The following EML5 variants were observed in gnomAD, a reference collection of about 807,000 sequenced individuals.
EML5 encodes the protein echinoderm microtubule-associated protein-like 5.
In EML5, 120 loss-of-function variants were observed where a neutral mutation model predicts 250.0. The ratio of observed to expected loss-of-function variants is 0.48; its 90% CI spans 0.41 to 0.56. The LOEUF (loss-of-function observed/expected upper bound fraction) is 0.56. Among genes scored for constraint, EML5 ranks in the 20% least tolerant of loss-of-function variants. The probability of loss-of-function intolerance (pLI) is 0.00; values close to 1 mark genes in which losing one functional copy is unlikely to be tolerated. For missense variants in EML5, 2,006 were observed against 2,437.6 expected (o/e 0.82, Z 3.73); for synonymous variants, 771 against 806.5 (o/e 0.96, Z 0.75).
intron 21 of EML5, among the ~76,000 whole-genome samples, chr14:88,681,511 T>G (rs1267593875): frequency 6.6e-6 from 1 of 152,240 alleles, no homozygotes; most frequent in Admixed American, 6.5e-5. Flanking sequence ...CTTCCTCAGC[T>G]GTCTACCCTT....
At position 88,778,552 on chromosome 14, in the gene EML5, G is replaced by A. The variant is rs553422818; in HGVS notation, c.197+13755C>T. ...TCCTAGAACTTTGGGAGGCCGAGGC[G>A]GGTGGATCACGAGGTCAGGAGATCC... is the stretch of plus-strand genomic sequence containing the variant. On this transcript the variant is annotated intron_variant, in intron 1 of 43. Coordinates refer to ENST00000554922, the MANE Select transcript of EML5 (RefSeq NM_183387.3). 8.5e-5 allele frequency among the ~76,000 whole-genome samples: 13 copies of A among 152,300 alleles called. No homozygotes were observed. The South Asian group carries it at 1.0e-3, about 12-fold the overall frequency.
chr14:88,757,288 A>T (rs533222720), intron 1 of EML5, among the ~76,000 whole-genome samples: 76 of 152,324 alleles, frequency 5.0e-4, no homozygotes, highest in African/African-American at 1.7e-3. Flanking sequence ...ACAAAAAAAT[A>T]AATTTGGACA....
At chr14:88,660,397 A>G (rs1007101224) in intron 25 of EML5, among the ~76,000 whole-genome samples, 18 of 152,142 alleles carry the variant, frequency 1.2e-4, no homozygotes, top group Admixed American at 1.2e-3. Flanking sequence ...GGGAAGTGAT[A>G]AAAGAATTAA....
At position 88,618,157 on chromosome 14, in the gene EML5, C is replaced by G; in HGVS notation, c.5642+71G>C. 3.1e-6 allele frequency: 4 copies of G among 1,308,356 alleles called. No individual in the cohort carries two copies. The South Asian group carries it at 3.7e-5, about 12-fold the overall frequency. 81.0% of individuals were successfully genotyped at this position (1,308,356 alleles called of 1,614,324 possible). A position where few individuals can be genotyped will look rare whatever the true frequency, so the allele number is the denominator to read the frequency against. ...CTATTCCTTATTGGAATGGCTCTAA[C>G]AGTTCAGAAATAGGATTTTCTAACT... On this transcript the variant is annotated intron_variant, in intron 41 of 43. Coordinates refer to ENST00000554922, the MANE Select transcript of EML5 (RefSeq NM_183387.3).
chr14:88,653,014 C>T (rs2091703481), intron 27 of EML5, among the ~76,000 whole-genome samples: 1 of 152,302 alleles, frequency 6.6e-6, no homozygotes, highest in East Asian at 1.9e-4. Context: ...AGGTCCTTCA[C>T]ATCCCTTGTA....
rs1292308311 is a variant in EML5 at position 88,620,949 on chromosome 14, AAAG to A, written c.5203-26_5203-24del. 13 of 1,485,926 alleles carry A rather than the reference AAAG, an allele frequency of 8.7e-6. No homozygotes were observed. Among genetic ancestry groups the A allele is most frequent in the East Asian group, 2.5e-5 (1 of 40,404 alleles). 92.0% of individuals were successfully genotyped at this position (1,485,926 alleles called of 1,614,324 possible). ...CTTCTGCATTTAAAAAAAAAAAAAA[AAAG>A]AGTCATAGGAAACATTAAGTGAAGT... On this transcript the variant is annotated intron_variant, in intron 38 of 43. Transcript: ENST00000554922. This position sits in a 1 kb window ranked among gnomAD's most constrained non-coding sequence, Gnocchi z 4.3.
chr14:88,740,480 T>C lies in EML5; in HGVS notation c.618A>G (p.Ala206=), dbSNP rs2093908898. The change falls in exon 5 of 44, where the codon GCA becomes GCG. Residue 206 remains alanine (A), a synonymous_variant. Coordinates refer to ENST00000554922, the MANE Select transcript of EML5 (RefSeq NM_183387.3). ...DLQTILCLAC[A]RDELTYSGAL... is the part of the protein sequence containing the mutation. ...CACCAGAATATGTTAATTCATCCCT[T>C]GCACAGGCTAGGCACAGTATTGTCT... 1 of 1,613,782 alleles carries C rather than the reference T, an allele frequency of 6.2e-7. No homozygotes were observed. The highest frequency in any genetic ancestry group is 1.7e-5 in the Admixed American group (1 of 60,002).
rs150740881 is a variant in EML5, at chr14:88,772,275, C to T, written c.198-17604G>A. 3.7e-3 allele frequency among the ~76,000 whole-genome samples: 564 copies of T among 152,330 alleles called. 1 individual carries two copies. Among genetic ancestry groups the T allele is most frequent in the Non-Finnish European group, 5.1e-3 (350 of 68,036 alleles). ...CATTCATCTTACATCACAACTACTT[C>T]GGTAGCCTTCTGTCTACCTACCATT... On this transcript the variant is annotated intron_variant, in intron 1 of 43. Transcript: ENST00000554922.
At chr14:88,737,710 A>C (rs991405805) in intron 6 of EML5, among the ~76,000 whole-genome samples, 49 of 152,184 alleles carry the variant, frequency 3.2e-4, no homozygotes, top group African/African-American at 1.1e-3. Flanking sequence ...TCTACATGAA[A>C]TATTTGTCTT....
chr14:88,717,902 A>G (rs2093526564), intron 8 of EML5, among the ~76,000 whole-genome samples: 1 of 152,264 alleles, frequency 6.6e-6, no homozygotes, highest in African/African-American at 2.4e-5. Context: ...ATGTAGTATT[A>G]TACTCCATAC....
chr14:88,761,869 T>C (rs1333877997), intron 1 of EML5, among the ~76,000 whole-genome samples: 1 of 152,190 alleles, frequency 6.6e-6, no homozygotes, highest in Non-Finnish European at 1.5e-5. Context: ...TTTCCTGGCT[T>C]TTTAATGATC....
intron 21 of EML5, among the ~76,000 whole-genome samples, chr14:88,665,920 A>AT (rs1016200584): frequency 7.2e-5 from 11 of 152,028 alleles, no homozygotes; most frequent in Non-Finnish European, 1.3e-4. Context: ...AAAAAAAAAA[A>AT]ATATTTGCTA....
At chr14:88,635,429 A>T (rs185584446) in intron 32 of EML5, among the ~76,000 whole-genome samples, 1 of 152,304 alleles carries the variant, frequency 6.6e-6, no homozygotes, top group African/African-American at 2.4e-5. Context: ...TGGGTGAAAG[A>T]CTGGGAGTGT....
At chr14:88,787,876 G>C (rs2094566992) in intron 1 of EML5, among the ~76,000 whole-genome samples, 1 of 152,216 alleles carries the variant, frequency 6.6e-6, no homozygotes, top group Non-Finnish European at 1.5e-5. Flanking sequence ...GAGAGGGTTT[G>C]TGCCCATTTC....
At chr14:88,647,019 G>T in intron 28 of EML5, 64 bp from the exon 29 acceptor site, 2 of 1,414,326 alleles carry the variant, frequency 1.4e-6, no homozygotes, top group Non-Finnish European at 1.9e-6. Flanking sequence ...AAACACTAGT[G>T]AAATACCTCC....
In EML5 at chr14:88,704,986, A is replaced by C; in HGVS notation, c.1933-8T>G. On this transcript the variant is annotated splice_region_variant and splice_polypyrimidine_tract_variant and intron_variant, in intron 12 of 43. Coordinates refer to ENST00000554922, the MANE Select transcript of EML5 (RefSeq NM_183387.3). The stretch of plus-strand genomic sequence containing the variant: ...TAGATCTTCTTTGTAAACCTTTAAA[A>C]ATGTATACAAGTAGAAATATTCTTA... 1 of 1,564,000 alleles carries C rather than the reference A, an allele frequency of 6.4e-7. No individual in the cohort carries two copies. The highest frequency in any genetic ancestry group is 8.8e-7 in the Non-Finnish European group (1 of 1,138,414).
At chr14:88,712,964 G>T (rs12885389) in intron 9 of EML5, among the ~76,000 whole-genome samples, 1 of 151,996 alleles carries the variant, frequency 6.6e-6, no homozygotes. Context: ...TTTAGGACCC[G>T]GTCAGTCTTC....
chr14:88,714,072 A>G (rs924031010), intron 9 of EML5, among the ~76,000 whole-genome samples: 1 of 151,750 alleles, frequency 6.6e-6, no homozygotes, highest in East Asian at 1.9e-4. Context: ...TCCTGGGCTC[A>G]AGCTGTCGGT....
At chr14:88,769,392 C>A (rs893157894) in intron 1 of EML5, among the ~76,000 whole-genome samples, 20 of 152,250 alleles carry the variant, frequency 1.3e-4, no homozygotes, top group Admixed American at 2.6e-4. Context: ...CCTGAGCCTC[C>A]CCAGAAGCAG....
Sources: gnomAD v4.1 joint callset for allele counts (sites outside exome capture counted in the v4.1 genomes callset) on GRCh38, gnomAD v4.1.1 for gene constraint, Gnocchi (gnomAD v3.1) non-coding constraint, MANE v1.5 for transcripts, NCBI Gene and HGNC (gene_info 2026-07-23, HGNC 2026-07-21) for gene names.